Variants in PHF20L1 observed in about 807,000 individuals in gnomAD.
PHF20L1 encodes the protein PHD finger protein 20 like 1, also known as PHD finger protein 20-like protein 1.
Under a neutral mutation model 125.5 loss-of-function variants are expected in PHF20L1, and 44 were observed. The ratio of observed to expected loss-of-function variants is 0.35; its 90% CI spans 0.28 to 0.45. The LOEUF is 0.45. Ranked by LOEUF, PHF20L1 falls within the 20% of genes least tolerant of loss-of-function variation. PHF20L1 has a pLI of 1.00. For missense variants in PHF20L1, 1,012 were observed against 1,217.2 expected (o/e 0.83, Z 2.51); for synonymous variants, 380 against 403.1 (o/e 0.94, Z 0.69).
At chr8:132,839,701 T>TA in intron 18 of PHF20L1, 119 bp downstream of exon 18, 1 of 669,800 alleles carries the variant, frequency 1.5e-6, no homozygotes, top group South Asian at 2.1e-5. Context: ...GGTATTTGAA[T>TA]AAAGTTTCAT....
intron 9 of PHF20L1, chr8:132,812,624 C>T: frequency 1.0e-6 from 1 of 984,358 alleles, no homozygotes; most frequent in Non-Finnish European, 1.2e-6. Flanking sequence ...TCATTTTCTA[C>T]TTGTCATTCA....
At chr8:132,782,651 A>G (rs1830559902) in intron 2 of PHF20L1, among the ~76,000 whole-genome samples, 1 of 151,924 alleles carries the variant, frequency 6.6e-6, no homozygotes, top group Non-Finnish European at 1.5e-5. Flanking sequence ...CGAGATCATG[A>G]CTTGAAGCAG....
Position 132,824,018 on chromosome 8 carries a change from G to A in PHF20L1, c.1594G>A (p.Glu532Lys). The A allele has an allele frequency of 6.3e-7, 1 of 1,594,358 alleles. No homozygotes were observed. Among genetic ancestry groups the A allele is most frequent in the East Asian group, 2.3e-5 (1 of 44,244 alleles). Residue 532 changes from glutamate (E) to lysine (K), a missense_variant, in exon 13 of 21, where the codon GAA (glutamate) becomes AAA (lysine). By Grantham distance (56) the Glu-to-Lys change is moderately conservative (BLOSUM62 1). Coordinates refer to ENST00000395386, the MANE Select transcript of PHF20L1 (RefSeq NM_016018.5). The stretch of plus-strand genomic sequence containing the variant: ...CTAACCCACAGGAATATCGAAAACA[G>A]AAAAAAAAGTGAAATTGGAAGACAA... ...APAAAGISKT[E>K]KKVKLEDKSS... is the part of the protein sequence containing the mutation.
intron 9 of PHF20L1, chr8:132,813,039 ATGTTAATTTTTCCT>A (rs1242405234): frequency 1.0e-6 from 1 of 954,414 alleles, no homozygotes; most frequent in East Asian, 1.2e-4. Context: ...TTTAAAAACA[ATGTTAATTTTTCCT>A]TGTTTAGAAG....
At chr8:132,799,199 G>A (rs753188638) in intron 6 of PHF20L1, 27 bp downstream of exon 6, 3 of 1,498,460 alleles carry the variant, frequency 2.0e-6, no homozygotes, top group Non-Finnish European at 9.2e-7. Context: ...TAAAAATTTT[G>A]TTTTGTTTTT....
At chr8:132,842,935 T>C (rs371732028) in intron 19 of PHF20L1, 60 bp downstream of exon 19, 2 of 1,514,694 alleles carry the variant, frequency 1.3e-6, no homozygotes, top group Non-Finnish European at 8.8e-7. Context: ...AGGAAAATTT[T>C]ATAAAATAAG....
At chr8:132,797,483 G>A (rs758214240) in intron 4 of PHF20L1, among the ~76,000 whole-genome samples, 15 of 152,084 alleles carry the variant, frequency 9.9e-5, no homozygotes, top group Admixed American at 6.6e-4. Flanking sequence ...ATGAGCAAAG[G>A]CAGAGAGGTA....
chr8:132,823,426 C>T (rs1835813967), intron 12 of PHF20L1, among the ~76,000 whole-genome samples: 2 of 151,962 alleles, frequency 1.3e-5, no homozygotes, highest in Non-Finnish European at 2.9e-5. Context: ...AACTACTACT[C>T]AGATGAATTT....
intron 13 of PHF20L1, 158 bp downstream of exon 13, chr8:132,824,218 T>C (rs1835907911): frequency 2.2e-6 from 1 of 462,662 alleles, no homozygotes; most frequent in Admixed American, 4.2e-5. Context: ...AGATACATGA[T>C]TTATTAAACA....
At chr8:132,808,816 C>CTTTTTTTT (rs34974702) in intron 8 of PHF20L1, 1 of 133,698 alleles carries the variant, frequency 7.5e-6, no homozygotes, top group African/African-American at 2.7e-5. Context: ...TTGGTTTTTG[C>CTTTTTTTT]TTTTTTTTTT....
In PHF20L1 at chr8:132,841,074, A is replaced by G. The variant is rs529154816; in HGVS notation, c.2388-1441A>G. ...TTTAAAACCTTATTTCCTTCTTGGT[A>G]TCAGTATGAGTTTCTCTGCATTCAT... On this transcript the variant is annotated intron_variant, in intron 18 of 20. Transcript: ENST00000395386. Among the ~76,000 whole-genome samples, 30 of 152,202 alleles carry G rather than the reference A, an allele frequency of 2.0e-4. No individual in the cohort carries two copies. The South Asian group carries it at 3.3e-3, about 17-fold the overall frequency.
chr8:132,836,067 G>C (rs766741609), intron 15 of PHF20L1, among the ~76,000 whole-genome samples: 3 of 151,906 alleles, frequency 2.0e-5, no homozygotes, highest in Non-Finnish European at 4.4e-5. Flanking sequence ...AAAGAATGAA[G>C]AATCAGTGGT....
chr8:132,801,375 G>C (rs1047587909), intron 6 of PHF20L1, among the ~76,000 whole-genome samples: 10 of 151,692 alleles, frequency 6.6e-5, no homozygotes, highest in Admixed American at 1.3e-4. Context: ...GAAGAATTCA[G>C]AACTTAGAGA....
rs369897565 is a variant in PHF20L1, at chr8:132,839,530, T to A, written c.2335T>A (p.Tyr779Asn). 6.2e-7 allele frequency: 1 copy of A among 1,613,474 alleles called. No homozygotes were observed. The highest frequency in any genetic ancestry group is 8.5e-7 in the Non-Finnish European group (1 of 1,179,624). Residue 779 changes from tyrosine (Y) to asparagine (N), a missense_variant, in exon 18 of 21, where the codon TAT becomes AAT. Around this residue, in one of 7 missense-constraint regions of PHF20L1, gnomAD observed 55 missense variants for 114.8 expected, o/e 0.48. Coordinates refer to ENST00000395386, the MANE Select transcript of PHF20L1 (RefSeq NM_016018.5). ...VSTHHLLADVYGVTEVLHGLQ... is the reference protein window; with the variant it reads ...VSTHHLLADVNGVTEVLHGLQ... ...TACACATCACCTGCTTGCTGATGTC[T>A]ATGGTGTTACAGAAGTGCTACACGG...
Position 132,814,867 on chromosome 8 carries a change from T to G in PHF20L1, c.1161T>G (p.Ser387=). 1 of 1,606,090 alleles carries G rather than the reference T, an allele frequency of 6.2e-7. No individual in the cohort carries two copies. Among genetic ancestry groups the G allele is most frequent in the South Asian group, 1.1e-5 (1 of 90,442 alleles). The change falls in exon 10 of 21, where the codon TCT becomes TCG. Residue 387 remains serine, a synonymous_variant. Coordinates refer to ENST00000395386, the MANE Select transcript of PHF20L1 (RefSeq NM_016018.5). ...ATTTGACGCTTGTATCTCAGCTTTC[T>G]TCTTCAGTGATAAATAAAACTAGTG... ...VEDLTLVSQL[S]SSVINKTSPP... is the part of the protein sequence containing the mutation.
intron 8 of PHF20L1, chr8:132,806,625 CAGT>C (rs1169115647): frequency 6.6e-6 from 1 of 152,042 alleles, no homozygotes; most frequent in Non-Finnish European, 1.5e-5. Context: ...TGCAAAAAGA[CAGT>C]AGATATTGTA....
chr8:132,787,264 G>T (rs942796543), intron 2 of PHF20L1, among the ~76,000 whole-genome samples: 2 of 151,942 alleles, frequency 1.3e-5, no homozygotes, highest in East Asian at 1.9e-4. Context: ...AGGTGCTGGG[G>T]GGGTGGGAGG....
chr8:132,813,753 G>T (rs1229841637), intron 9 of PHF20L1, among the ~76,000 whole-genome samples: 2 of 151,874 alleles, frequency 1.3e-5, no homozygotes, highest in Non-Finnish European at 2.9e-5. Context: ...ATCCAATGTA[G>T]TTATTTTCTC....
intron 10 of PHF20L1, chr8:132,815,435 C>T (rs1313728590): frequency 4.0e-5 from 6 of 151,802 alleles, no homozygotes; most frequent in Admixed American, 2.6e-4. Flanking sequence ...TCGAAAACAC[C>T]TTTCACATGG....
Sources: allele counts gnomAD v4.1 joint callset (sites outside exome capture counted in the v4.1 genomes callset), GRCh38; gene constraint gnomAD v4.1.1; regional missense constraint gnomAD v4.1.1; transcripts MANE v1.5; gene names NCBI Gene and HGNC (gene_info 2026-07-23, HGNC 2026-07-21).